Variants in DLG2 observed in about 807,000 individuals in gnomAD.
The protein encoded by DLG2 is disks large homolog 2.
Under a neutral mutation model 132.5 loss-of-function variants are expected in DLG2, and 45 were observed. The ratio of observed to expected loss-of-function variants is 0.34; its 90% confidence interval spans 0.27 to 0.44. DLG2 has a LOEUF of 0.44. Among genes scored for constraint, DLG2 ranks in the 20% least tolerant of loss-of-function variants. The probability of loss-of-function intolerance (pLI) is 1.00; values close to 1 mark genes in which losing one functional copy is unlikely to be tolerated. For missense variants in DLG2, 1,045 were observed against 1,196.9 expected, an observed-to-expected ratio of 0.87 and a Z score of 1.87; for synonymous variants, 424 against 419.6, an observed-to-expected ratio of 1.01 and a Z score of -0.13.
intron 4 of DLG2, among the ~76,000 whole-genome samples, chr11:85,257,897 A>G (rs2076749009): frequency 6.6e-6 from 1 of 152,204 alleles, no homozygotes; most frequent in African/African-American, 2.4e-5. Flanking sequence ...TTGAGAGGTT[A>G]TGAAATTTAC....
chr11:84,262,505 G>C (rs541667263), intron 7 of DLG2, among the ~76,000 whole-genome samples: 1 of 152,230 alleles, frequency 6.6e-6, no homozygotes, highest in South Asian at 2.1e-4. Flanking sequence ...AAAAATGAAT[G>C]CAATTTTCAT....
chr11:84,832,901 C>T (rs1406271182), intron 6 of DLG2, among the ~76,000 whole-genome samples: 1 of 151,478 alleles, frequency 6.6e-6, no homozygotes, highest in African/African-American at 2.4e-5. Context: ...CAACTTCCAC[C>T]AGCTTTTACT....
chr11:84,509,200 C>T (rs556333968), intron 7 of DLG2, among the ~76,000 whole-genome samples: 1 of 152,240 alleles, frequency 6.6e-6, no homozygotes, highest in South Asian at 2.1e-4. Context: ...TGTGACCTTG[C>T]ATAAAGTCTG....
chr11:83,955,550 G>A lies in DLG2; in HGVS notation c.1340+7335C>T, dbSNP rs567296392. Among the ~76,000 whole-genome samples the A allele has an allele frequency of 2.0e-5, 3 of 152,286 alleles. No individual in the cohort carries two copies. In the East Asian group the frequency reaches 5.8e-4, roughly 29 times the overall value. The stretch of plus-strand genomic sequence containing the variant: ...TACTCCTGTTCACCCACTCTCCCCT[G>A]ATTGGTTCTTTCTGGATAATGCCTT... On this transcript the variant is annotated intron_variant, in intron 14 of 27. Transcript: ENST00000376104.
At chr11:84,941,481 G>T (rs965980253) in intron 6 of DLG2, among the ~76,000 whole-genome samples, 1 of 151,998 alleles carries the variant, frequency 6.6e-6, no homozygotes, top group African/African-American at 2.4e-5. Context: ...CAATTAAAAG[G>T]ATCATATGGT....
intron 6 of DLG2, among the ~76,000 whole-genome samples, chr11:84,675,401 C>G (rs2099710184): frequency 6.6e-6 from 1 of 152,054 alleles, no homozygotes; most frequent in Non-Finnish European, 1.5e-5. Context: ...TGGGAAGGCT[C>G]TCCATGCAAA....
intron 4 of DLG2, among the ~76,000 whole-genome samples, chr11:85,254,939 T>C (rs980771492): frequency 2.0e-5 from 3 of 148,202 alleles, no homozygotes; most frequent in Non-Finnish European, 4.4e-5. Flanking sequence ...GCGGAGCTTA[T>C]AGTAAGCCAA....
intron 4 of DLG2, among the ~76,000 whole-genome samples, chr11:85,224,975 G>A (rs1351440661): frequency 6.6e-6 from 1 of 152,066 alleles, no homozygotes; most frequent in African/African-American, 2.4e-5. Context: ...GTGGTACTTT[G>A]ATTAGAGAAG....
chr11:85,214,881 A>C (rs1018025503), intron 4 of DLG2, among the ~76,000 whole-genome samples: 8 of 152,190 alleles, frequency 5.3e-5, no homozygotes, highest in African/African-American at 1.9e-4. Flanking sequence ...GCTCTGAATG[A>C]TAAATCTTTT....
chr11:85,461,601 G>A (rs752104388), intron 3 of DLG2, among the ~76,000 whole-genome samples: 18 of 152,156 alleles, frequency 1.2e-4, no homozygotes, highest in Non-Finnish European at 2.2e-4. Context: ...TTTTTTAACA[G>A]TTTTAATGTG....
rs2098968618 is a variant in DLG2 at position 84,426,951 on chromosome 11, TA to T, written c.519+107618del. 2.0e-5 allele frequency among the ~76,000 whole-genome samples: 3 copies of T among 152,048 alleles called. 1 individual carries two copies. Among genetic ancestry groups the T allele is most frequent in the Admixed American group, 2.0e-4 (3 of 15,268 alleles). On this transcript the variant is annotated intron_variant, in intron 7 of 27. Coordinates refer to ENST00000376104, the MANE Select transcript of DLG2 (RefSeq NM_001142699.3). Reference sequence around the variant, plus strand: ...ATCTAGAAAATTATTTAAAAGGAAATAAAAACCTAGAACTCTCTCAGAGTCA... The same window carrying T: ...ATCTAGAAAATTATTTAAAAGGAAATAAAACCTAGAACTCTCTCAGAGTCA...
intron 18 of DLG2, among the ~76,000 whole-genome samples, chr11:83,729,415 C>G (rs1247263441): frequency 6.6e-6 from 1 of 152,170 alleles, no homozygotes; most frequent in African/African-American, 2.4e-5. Flanking sequence ...CCGTGTGGGA[C>G]AGCCCGAGCC....
rs571745916 is a variant in DLG2 at position 85,146,803 on chromosome 11, C to A, written c.282+7753G>T. Among the ~76,000 whole-genome samples the A allele has an allele frequency of 2.7e-4, 41 of 152,300 alleles. 1 individual carries two copies. The highest frequency in any genetic ancestry group is 9.6e-4 in the African/African-American group (40 of 41,572). ...AGCAGTGCCAGGACTTATCCAAGGA[C>A]TGCAAACCTTGTTACCTGACTGACA... On this transcript the variant is annotated intron_variant, in intron 5 of 27. Coordinates refer to ENST00000376104, the MANE Select transcript of DLG2 (RefSeq NM_001142699.3).
intron 11 of DLG2, among the ~76,000 whole-genome samples, chr11:84,042,544 C>A (rs962682954): frequency 6.6e-6 from 1 of 151,178 alleles, no homozygotes; most frequent in Non-Finnish European, 1.5e-5. Flanking sequence ...TTATGGTATT[C>A]CTTTATTATA....
chr11:85,111,829 C>T (rs1434083103), intron 5 of DLG2, 94 bp from the exon 6 acceptor site: 2 of 924,768 alleles, frequency 2.2e-6, no homozygotes, highest in Admixed American at 2.7e-5. Flanking sequence ...ATGTTTATTA[C>T]CTTATTTATA....
intron 7 of DLG2, among the ~76,000 whole-genome samples, chr11:84,322,642 T>G (rs922453154): frequency 2.0e-5 from 3 of 151,384 alleles, no homozygotes; most frequent in Admixed American, 2.0e-4. Context: ...CAGGCTGGAG[T>G]ACAGTGGCAA....
At chr11:84,639,998 G>A (rs1158116446) in intron 6 of DLG2, 2 of 246,328 alleles carry the variant, frequency 8.1e-6, no homozygotes, top group Non-Finnish European at 1.5e-5. Context: ...CAAGAATGAA[G>A]ACTATTCTCA....
At chr11:84,465,843 G>A (rs1165407331) in intron 7 of DLG2, among the ~76,000 whole-genome samples, 1 of 151,020 alleles carries the variant, frequency 6.6e-6, no homozygotes, top group Non-Finnish European at 1.5e-5. Flanking sequence ...AAGACAGGGT[G>A]GCCATAGATC....
chr11:83,823,083 G>C (rs2051315875), intron 17 of DLG2, among the ~76,000 whole-genome samples: 1 of 152,054 alleles, frequency 6.6e-6, no homozygotes, highest in Admixed American at 6.6e-5. Flanking sequence ...CATATATATG[G>C]TAATGCAAAT....
Sources: allele counts gnomAD v4.1 joint callset (sites outside exome capture counted in the v4.1 genomes callset), GRCh38; gene constraint gnomAD v4.1.1; transcripts MANE v1.5; gene names NCBI Gene and HGNC (gene_info 2026-07-23, HGNC 2026-07-21).